The following PDE6C variants were observed in gnomAD, a reference collection of about 807,000 sequenced individuals.
The protein encoded by PDE6C is cone cGMP-specific 3',5'-cyclic phosphodiesterase subunit alpha'.
PDE6C carries 75 observed loss-of-function variants against 113.1 expected under a neutral mutation model. The ratio of observed to expected loss-of-function variants is 0.66; its 90% CI spans 0.55 to 0.80. The LOEUF is 0.80. Ranked by LOEUF, PDE6C falls within the 30% of genes least tolerant of loss-of-function variation. The pLI is 0.00. For missense variants in PDE6C, 912 were observed against 1,038.6 expected, an observed-to-expected ratio of 0.88 and a Z score of 1.67; for synonymous variants, 375 against 363.7, an observed-to-expected ratio of 1.03 and a Z score of -0.35.
At chr10:93,638,033 A>G (rs2058542177) in intron 11 of PDE6C, among the ~76,000 whole-genome samples, 1 of 152,218 alleles carries the variant, frequency 6.6e-6, no homozygotes, top group African/African-American at 2.4e-5. Context: ...CCTTGTTTCT[A>G]GAAAGTGGCT....
At chr10:93,622,683 T>C (rs1482374936) in intron 4 of PDE6C, among the ~76,000 whole-genome samples, 1 of 146,618 alleles carries the variant, frequency 6.8e-6, no homozygotes, top group South Asian at 2.1e-4. Context: ...TTTTTTGCTG[T>C]TTCTATAGTT....
rs182510872 is a variant in PDE6C, at chr10:93,622,207, G to A, written c.864+135G>A. ...ATTGATGACAAGAACAGAGGTAAAA[G>A]TGTGTGTCTTGGAGCAAAAAAGATG... On this transcript the variant is annotated intron_variant, in intron 4 of 21. Transcript: ENST00000371447. The A allele has an allele frequency of 5.6e-4, 548 of 983,474 alleles. 6 individuals carry two copies. In the African/African-American group the frequency reaches 7.9e-3, roughly 14 times the overall value. The allele number at this position is 983,474 out of a possible 1,614,324, so 60.9% of individuals were successfully genotyped here.
At chr10:93,615,040 C>G (rs746112337) in intron 1 of PDE6C, among the ~76,000 whole-genome samples, 3 of 152,170 alleles carry the variant, frequency 2.0e-5, no homozygotes, top group Non-Finnish European at 4.4e-5. Flanking sequence ...GCCTGTAATC[C>G]CAGCATTTTG....
chr10:93,622,642 TTTTTTTTGTTTTTTTTTTTGTTG>T (rs1450907589), intron 4 of PDE6C, among the ~76,000 whole-genome samples: 1,317 of 15,300 alleles, frequency 0.086, 71 homozygotes, highest in African/African-American at 0.097. Flanking sequence ...GCCACAGGTT[TTTTTTTTGTTTTTTTTTTTGTTG>T]TTTTTTTTTT....
At chr10:93,621,523 G>A (rs903343144) in intron 3 of PDE6C, among the ~76,000 whole-genome samples, 1 of 152,162 alleles carries the variant, frequency 6.6e-6, no homozygotes, top group Admixed American at 6.5e-5. Context: ...AACTCTCCAG[G>A]TAAGGTTACC....
At chr10:93,662,960 C>A in intron 20 of PDE6C, 68 bp from the exon 21 acceptor site, 1 of 1,348,728 alleles carries the variant, frequency 7.4e-7, no homozygotes, top group South Asian at 1.2e-5. Context: ...AGCTCACTCT[C>A]TGCATATGAA....
chr10:93,612,846 C>T lies in PDE6C; in HGVS notation c.121C>T (p.Gln41Ter). 6.2e-7 allele frequency: 1 copy of T among 1,614,100 alleles called. No homozygotes were observed. The highest frequency in any genetic ancestry group is 1.1e-5 in the South Asian group (1 of 91,078). ...GCTGGGAGAAATCTTCAAGAACAGC[C>T]AGGTGCCAGTCCAGTCCAGCATGTC... ...EVLGEIFKNSQVPVQSSMSFS... is the reference protein window; with the variant it reads ...EVLGEIFKNS The change falls in exon 1 of 22, where the codon CAG (glutamine) becomes TAG (stop). Residue 41 changes from glutamine to a stop codon, truncating the protein, a stop_gained. Coordinates refer to ENST00000371447, the MANE Select transcript of PDE6C (RefSeq NM_006204.4). LOFTEE classifies it high-confidence loss of function.
intron 14 of PDE6C, among the ~76,000 whole-genome samples, chr10:93,643,871 T>C (rs2058571030): frequency 6.6e-6 from 1 of 152,146 alleles, no homozygotes; most frequent in African/African-American, 2.4e-5. Flanking sequence ...TAAAGTGTTT[T>C]TTAAAAATTT....
intron 15 of PDE6C, among the ~76,000 whole-genome samples, chr10:93,649,467 T>G (rs1039032278): frequency 3.3e-5 from 5 of 152,190 alleles, no homozygotes; most frequent in African/African-American, 9.7e-5. Context: ...TGAACCTCAT[T>G]GCAGTCACCC....
rs759332523 is a variant in PDE6C, at chr10:93,662,072, T to C, written c.2222T>C (p.Val741Ala). The C allele has an allele frequency of 4.4e-6, 7 of 1,606,614 alleles. No homozygotes were observed. In the African/African-American group the frequency reaches 6.7e-5, roughly 15 times the overall value. ...WEVQSQVALMVANEFWEQGDL... is the reference protein window; with the variant it reads ...WEVQSQVALMAANEFWEQGDL... The stretch of plus-strand genomic sequence containing the variant: ...TCTCATTTGCAGGTAGCACTTATGG[T>C]TGCAAATGAATTTTGGGAACAAGGA... The change falls in exon 19 of 22, where the codon GTT (valine) becomes GCT (alanine). Residue 741 changes from valine to alanine, a missense_variant. Val to Ala is a moderately conservative substitution (Grantham distance 64). Transcript: ENST00000371447.
chr10:93,626,113 C>A (rs2058471948), intron 5 of PDE6C, among the ~76,000 whole-genome samples: 1 of 152,142 alleles, frequency 6.6e-6, no homozygotes, highest in Non-Finnish European at 1.5e-5. Context: ...TCATCATCTG[C>A]CCCATGAAAC....
At position 93,646,132 on chromosome 10, in the gene PDE6C, C is replaced by A. The variant is rs966124877; in HGVS notation, c.1935+85C>A. 3 of 805,900 alleles carry A rather than the reference C, an allele frequency of 3.7e-6. No homozygotes were observed. In the African/African-American group the frequency reaches 5.0e-5, roughly 14 times the overall value. 49.9% of individuals were successfully genotyped at this position (805,900 alleles called of 1,614,324 possible). A position where few individuals can be genotyped will look rare whatever the true frequency, so the allele number is the denominator to read the frequency against. ...CAGAAAATGCTTGGAAAAAGGGTGG[C>A]CTTGAGTTACAGCAGTTGATAGTGT... On this transcript the variant is annotated intron_variant, in intron 15 of 21. Coordinates refer to ENST00000371447, the MANE Select transcript of PDE6C (RefSeq NM_006204.4).
At position 93,620,886 on chromosome 10, in the gene PDE6C, T is replaced by C. The variant is rs1238872641; in HGVS notation, c.634-5T>C. 2 of 1,613,836 alleles carry C rather than the reference T, an allele frequency of 1.2e-6. No homozygotes were observed. The highest frequency in any genetic ancestry group is 1.7e-6 in the Non-Finnish European group (2 of 1,179,678). ...CCATAACTTGTTATTCTCTGCCGTC[T>C]GTAGGTCTTTTCCAAATACCTCAAC... On this transcript the variant is annotated splice_region_variant and splice_polypyrimidine_tract_variant and intron_variant, in intron 2 of 21. Coordinates refer to ENST00000371447, the MANE Select transcript of PDE6C (RefSeq NM_006204.4).
At chr10:93,637,570 G>A (rs762981869) in intron 11 of PDE6C, among the ~76,000 whole-genome samples, 3 of 151,984 alleles carry the variant, frequency 2.0e-5, no homozygotes, top group African/African-American at 7.3e-5. Flanking sequence ...GTCTTTTGTT[G>A]TGCCCGATCA....
intron 11 of PDE6C, among the ~76,000 whole-genome samples, chr10:93,638,603 A>C (rs2058544930): frequency 6.6e-6 from 1 of 152,206 alleles, no homozygotes. Context: ...AGACTTCCTA[A>C]AAAACCAGCC....
intron 15 of PDE6C, among the ~76,000 whole-genome samples, chr10:93,648,021 T>C (rs11187570): frequency 0.21 from 31,774 of 152,138 alleles, 3,452 homozygotes; most frequent in East Asian, 0.28. Context: ...AAATGTCATG[T>C]ATCGCATAAT....
At chr10:93,616,652 CTTTTTTTTTTT>C (rs11418985) in intron 1 of PDE6C, among the ~76,000 whole-genome samples, 1 of 118,486 alleles carries the variant, frequency 8.4e-6, no homozygotes, top group Non-Finnish European at 1.7e-5. Context: ...GGCAGGAAGA[CTTTTTTTTTTT>C]TTTTTTTTTG....
intron 8 of PDE6C, among the ~76,000 whole-genome samples, 177 bp from the exon 9 acceptor site, chr10:93,634,580 GT>G (rs1330095546): frequency 1.3e-5 from 2 of 152,178 alleles, no homozygotes; most frequent in Non-Finnish European, 2.9e-5. Flanking sequence ...TTGTACTATA[GT>G]TACACAAGAT....
chr10:93,639,971 C>A (rs2058551089), intron 11 of PDE6C, 99 bp from the exon 12 acceptor site: 4 of 1,226,282 alleles, frequency 3.3e-6, no homozygotes, highest in Non-Finnish European at 3.6e-6. Flanking sequence ...ACATTGTGTT[C>A]TTTTATTGTA....
Sources: gnomAD v4.1 joint callset for allele counts (sites outside exome capture counted in the v4.1 genomes callset) on GRCh38, gnomAD v4.1.1 for gene constraint, MANE v1.5 for transcripts, NCBI Gene and HGNC (gene_info 2026-07-23, HGNC 2026-07-21) for gene names.